C8orf34: variants seen among roughly 807,000 people sequenced by gnomAD.
C8orf34 encodes chromosome 8 open reading frame 34.
Under a neutral mutation model 68.3 loss-of-function variants are expected in C8orf34, and 65 were observed. The observed-to-expected ratio is 0.95, with a 90% CI of 0.78 to 1.17. The LOEUF (loss-of-function observed/expected upper bound fraction) is 1.17, where lower values mean the gene tolerates loss of function less well. Ranked by LOEUF, C8orf34 falls within the 50% of genes most tolerant of loss-of-function variation. C8orf34 has a pLI of 0.00. For missense variants in C8orf34, 664 were observed against 655.4 expected (o/e 1.01, Z -0.14); for synonymous variants, 244 against 241.2 (o/e 1.01, Z -0.11).
chr8:68,702,988 T>C (rs952122896), intron 8 of C8orf34, among the ~76,000 whole-genome samples: 9 of 152,226 alleles, frequency 5.9e-5, no homozygotes, highest in African/African-American at 1.9e-4. Context: ...TCAGGATCAG[T>C]TGGATCTCAT....
chr8:68,531,977 A>C lies in C8orf34; in HGVS notation c.939-1006A>C, dbSNP rs147342647. Among the ~76,000 whole-genome samples the C allele has an allele frequency of 3.2e-3, 483 of 152,156 alleles. 4 individuals carry two copies. The highest frequency in any genetic ancestry group is 0.011 in the African/African-American group (461 of 41,508). ...TGATTGAACAGTAGCTACACCAACAACACCAAGAGAAGCCAGAGACATAGG... is the reference window on the plus strand; with the variant it reads ...TGATTGAACAGTAGCTACACCAACACCACCAAGAGAAGCCAGAGACATAGG... On this transcript the variant is annotated intron_variant, in intron 6 of 13. Coordinates refer to ENST00000518698, the MANE Select transcript of C8orf34 (RefSeq NM_052958.4).
intron 3 of C8orf34, 160 bp downstream of exon 3, chr8:68,446,620 A>T (rs760061312): frequency 3.0e-6 from 2 of 663,118 alleles, no homozygotes; most frequent in Non-Finnish European, 5.0e-6. Context: ...ATTGATCTTC[A>T]TTCATACGTA....
At chr8:68,395,253 T>G (rs1043552259) in intron 1 of C8orf34, among the ~76,000 whole-genome samples, 11 of 151,906 alleles carry the variant, frequency 7.2e-5, no homozygotes, top group African/African-American at 2.7e-4. Context: ...TTTTTTTTCC[T>G]GGACATATAA....
chr8:68,593,885 C>T (rs1329889176), intron 7 of C8orf34, among the ~76,000 whole-genome samples: 1 of 151,934 alleles, frequency 6.6e-6, no homozygotes, highest in East Asian at 1.9e-4. Flanking sequence ...CTCTAATATT[C>T]CTTCAGTGCT....
At chr8:68,660,903 G>C (rs186108547) in intron 8 of C8orf34, among the ~76,000 whole-genome samples, 5 of 152,088 alleles carry the variant, frequency 3.3e-5, no homozygotes, top group Admixed American at 2.0e-4. Flanking sequence ...TACAAAAAGG[G>C]GGGGGAAAAA....
chr8:68,522,090 G>A (rs1814781921), intron 6 of C8orf34, 119 bp downstream of exon 6: 2 of 870,794 alleles, frequency 2.3e-6, no homozygotes, highest in African/African-American at 1.7e-5. Context: ...AGAAAATTAT[G>A]TTAGTCTATA....
chr8:68,338,547 A>G (rs1050355080), intron 1 of C8orf34, among the ~76,000 whole-genome samples: 75 of 152,160 alleles, frequency 4.9e-4, no homozygotes, highest in Admixed American at 1.3e-4. Context: ...AGTTTCATGT[A>G]TATGAAATCA....
chr8:68,625,656 G>C (rs1586471252), intron 7 of C8orf34: 2 of 701,194 alleles, frequency 2.9e-6, no homozygotes, highest in Admixed American at 2.0e-5. Context: ...GGTGGGAAAG[G>C]TATGTCATGT....
intron 9 of C8orf34, among the ~76,000 whole-genome samples, chr8:68,720,643 A>C (rs1364973565): frequency 6.6e-6 from 1 of 151,808 alleles, no homozygotes; most frequent in Non-Finnish European, 1.5e-5. Flanking sequence ...CAACTAAGGA[A>C]GTCAACATTC....
chr8:68,409,134 G>T (rs182830251), intron 1 of C8orf34, among the ~76,000 whole-genome samples: 1 of 152,142 alleles, frequency 6.6e-6, no homozygotes, highest in South Asian at 2.1e-4. Flanking sequence ...TCTGTACGGT[G>T]CATAATACTT....
chr8:68,648,153 A>G (rs768313213), intron 8 of C8orf34, among the ~76,000 whole-genome samples: 2 of 152,190 alleles, frequency 1.3e-5, no homozygotes, highest in Non-Finnish European at 2.9e-5. Context: ...GACTTATAGA[A>G]GATTCCACAA....
intron 10 of C8orf34, among the ~76,000 whole-genome samples, chr8:68,726,877 G>A (rs547264777): frequency 4.6e-5 from 7 of 152,064 alleles, no homozygotes; most frequent in Admixed American, 2.0e-4. Flanking sequence ...CACAACACAC[G>A]GGAATTCTGG....
chr8:68,504,582 C>T (rs1171927974), intron 5 of C8orf34, among the ~76,000 whole-genome samples: 4 of 151,986 alleles, frequency 2.6e-5, no homozygotes, highest in African/African-American at 7.3e-5. Flanking sequence ...TGCAATGGCA[C>T]GATCTTGGCT....
intron 8 of C8orf34, among the ~76,000 whole-genome samples, chr8:68,698,320 G>T (rs1442974681): frequency 1.3e-5 from 2 of 151,926 alleles, no homozygotes; most frequent in African/African-American, 4.8e-5. Flanking sequence ...TTATTTTTAA[G>T]TATTCTAAAT....
chr8:68,512,852 C>T (rs1319957850), intron 5 of C8orf34, among the ~76,000 whole-genome samples: 1 of 150,936 alleles, frequency 6.6e-6, no homozygotes, highest in Non-Finnish European at 1.5e-5. Flanking sequence ...AAATCTATTT[C>T]CAGTAGTCTC....
At chr8:68,599,131 T>C (rs1407671193) in intron 7 of C8orf34, among the ~76,000 whole-genome samples, 1 of 152,044 alleles carries the variant, frequency 6.6e-6, no homozygotes, top group Non-Finnish European at 1.5e-5. Context: ...CCCAAAATAC[T>C]ACTTAACATA....
intron 1 of C8orf34, among the ~76,000 whole-genome samples, chr8:68,387,261 A>T (rs1316819215): frequency 6.6e-6 from 1 of 152,066 alleles, no homozygotes; most frequent in Non-Finnish European, 1.5e-5. Flanking sequence ...AGGAGAGTGC[A>T]TGTCAAATTG....
At chr8:68,359,555 G>A (rs942463992) in intron 1 of C8orf34, among the ~76,000 whole-genome samples, 1 of 152,164 alleles carries the variant, frequency 6.6e-6, no homozygotes, top group African/African-American at 2.4e-5. Flanking sequence ...ATAGAAATGA[G>A]CATCAGGTGA....
intron 6 of C8orf34, among the ~76,000 whole-genome samples, chr8:68,531,034 A>G (rs1393829932): frequency 6.6e-6 from 1 of 152,054 alleles, no homozygotes; most frequent in Non-Finnish European, 1.5e-5. Flanking sequence ...TCTATGACCT[A>G]TTATCTATAT....
Sources: gnomAD v4.1 joint callset for allele counts (sites outside exome capture counted in the v4.1 genomes callset) on GRCh38, gnomAD v4.1.1 for gene constraint, MANE v1.5 for transcripts, NCBI Gene and HGNC (gene_info 2026-07-23, HGNC 2026-07-21) for gene names.